PACRG: variants seen among roughly 807,000 people sequenced by gnomAD.
PACRG encodes the protein parkin coregulated.
PACRG carries 29 observed loss-of-function variants against 29.7 expected under a neutral mutation model. The observed-to-expected ratio is 0.98, with a 90% confidence interval of 0.73 to 1.33. The LOEUF (loss-of-function observed/expected upper bound fraction) is 1.33. Ranked by LOEUF, PACRG falls within the 40% of genes most tolerant of loss-of-function variation. PACRG has a pLI of 0.00. For synonymous variants in PACRG, 116 were observed against 118.7 expected (o/e 0.98, Z 0.15); for missense variants, 279 against 316.2 (o/e 0.88, Z 0.89).
At chr6:162,799,640 T>TC (rs1335601255) in intron 1 of PACRG, among the ~76,000 whole-genome samples, 13 of 152,158 alleles carry the variant, frequency 8.5e-5, no homozygotes, top group African/African-American at 3.1e-4. Context: ...CTTTTTTTTT[T>TC]CTTACTACTA....
chr6:162,764,169 G>A (rs777319870), intron 1 of PACRG, among the ~76,000 whole-genome samples: 1 of 152,024 alleles, frequency 6.6e-6, no homozygotes, highest in Non-Finnish European at 1.5e-5. Flanking sequence ...CAGCTACTCC[G>A]GAGGCTGAGG....
chr6:163,164,054 G>A (rs1358053740), intron 4 of PACRG, among the ~76,000 whole-genome samples: 1 of 151,862 alleles, frequency 6.6e-6, no homozygotes, highest in Non-Finnish European at 1.5e-5. Flanking sequence ...CTGTTCTCAT[G>A]CCTAATCATG....
rs867522827 is a variant in PACRG, at chr6:162,978,042, G to A, written c.292-84108G>A. Among the ~76,000 whole-genome samples the A allele has an allele frequency of 1.5e-3, 219 of 150,954 alleles. 3 individuals are homozygous for A. The highest frequency in any genetic ancestry group is 5.3e-3 in the African/African-American group (215 of 40,316). On this transcript the variant is annotated intron_variant, in intron 2 of 4. Coordinates refer to ENST00000366888, the MANE Select transcript of PACRG (RefSeq NM_001080379.2). ...GCCTGTAATCCCAGCTACTTGGGAGGCTGAGGCAGGAGAATCACTTGAACC... is the reference window on the plus strand; with the variant it reads ...GCCTGTAATCCCAGCTACTTGGGAGACTGAGGCAGGAGAATCACTTGAACC...
At chr6:162,957,970 T>G (rs1306592163) in intron 2 of PACRG, among the ~76,000 whole-genome samples, 1 of 152,214 alleles carries the variant, frequency 6.6e-6, no homozygotes, top group Non-Finnish European at 1.5e-5. Context: ...TTGAATTTCA[T>G]GTTTAAAGGT....
chr6:162,875,059 A>G (rs1026822416), intron 2 of PACRG, among the ~76,000 whole-genome samples: 5 of 152,308 alleles, frequency 3.3e-5, no homozygotes, highest in Admixed American at 6.5e-5. Context: ...ACACTCACAC[A>G]TGCATTCACA....
chr6:162,779,536 T>A (rs976863502), intron 1 of PACRG, among the ~76,000 whole-genome samples: 1 of 152,186 alleles, frequency 6.6e-6, no homozygotes, highest in Non-Finnish European at 1.5e-5. Flanking sequence ...CTCTGAGGCT[T>A]CCCTGGTTTG....
chr6:163,277,603 C>A (rs757192820), intron 4 of PACRG, among the ~76,000 whole-genome samples: 2 of 143,350 alleles, frequency 1.4e-5, no homozygotes, highest in Non-Finnish European at 3.0e-5. Flanking sequence ...CATATACATA[C>A]TTTGTCTATA....
At chr6:163,300,598 C>G (rs929909234) in intron 4 of PACRG, among the ~76,000 whole-genome samples, 5 of 152,230 alleles carry the variant, frequency 3.3e-5, no homozygotes, top group Non-Finnish European at 7.3e-5. Flanking sequence ...GATAGTCTCT[C>G]TGTCAATTCA....
Position 162,810,087 on chromosome 6 carries a change from T to A in PACRG, c.157-4060T>A, listed in dbSNP as rs192111673. Among the ~76,000 whole-genome samples, 410 of 152,194 alleles carry A rather than the reference T, an allele frequency of 2.7e-3. 2 individuals are homozygous for A. Among genetic ancestry groups the A allele is most frequent in the African/African-American group, 9.1e-3 (377 of 41,546 alleles). ...GTCAGTGTGGACAATGGGGGAGCAG[T>A]AATGAGTCACTCCTGCCCCTTCCAG... On this transcript the variant is annotated intron_variant, in intron 1 of 4. Transcript: ENST00000366888.
intron 4 of PACRG, among the ~76,000 whole-genome samples, chr6:163,154,859 A>C (rs146972903): frequency 1.7e-3 from 252 of 152,272 alleles, no homozygotes; most frequent in African/African-American, 5.8e-3. Flanking sequence ...CCTGCATGTG[A>C]CATGCTGAAA....
At chr6:163,174,503 T>C (rs1779251592) in intron 4 of PACRG, among the ~76,000 whole-genome samples, 1 of 152,176 alleles carries the variant, frequency 6.6e-6, no homozygotes, top group South Asian at 2.1e-4. Flanking sequence ...CTGTATAGAA[T>C]CATAGTGCAA....
intron 2 of PACRG, among the ~76,000 whole-genome samples, chr6:162,856,689 G>A (rs1791426598): frequency 6.6e-6 from 1 of 152,204 alleles, no homozygotes. Flanking sequence ...TGTGATTAGT[G>A]TAAATAAGTA....
intron 4 of PACRG, among the ~76,000 whole-genome samples, chr6:163,247,609 T>C (rs150989446): frequency 4.6e-5 from 7 of 152,308 alleles, no homozygotes; most frequent in Non-Finnish European, 8.8e-5. Context: ...GCACGCTCTA[T>C]TTTTAAAAGC....
At chr6:163,007,463 A>G (rs559358513) in intron 2 of PACRG, among the ~76,000 whole-genome samples, 7 of 152,278 alleles carry the variant, frequency 4.6e-5, no homozygotes, top group Admixed American at 4.6e-4. Context: ...GGCTGGTTAT[A>G]AATTCCTTTG....
At chr6:162,755,968 C>G (rs1194762643) in intron 1 of PACRG, among the ~76,000 whole-genome samples, 2 of 151,528 alleles carry the variant, frequency 1.3e-5, no homozygotes, top group African/African-American at 2.4e-5. Flanking sequence ...AAGATTTTTT[C>G]TCATCCATTT....
At chr6:163,117,332 A>G (rs1333393101) in intron 4 of PACRG, among the ~76,000 whole-genome samples, 1 of 152,194 alleles carries the variant, frequency 6.6e-6, no homozygotes, top group Non-Finnish European at 1.5e-5. Flanking sequence ...GGGGCCACCT[A>G]GAGACTGAGG....
chr6:162,933,601 C>CTTTTTTTTTTTTTTTTT (rs71008119), intron 2 of PACRG, among the ~76,000 whole-genome samples: 2 of 74,608 alleles, frequency 2.7e-5, no homozygotes, highest in African/African-American at 1.1e-4. Flanking sequence ...CTTTCTGTAT[C>CTTTTTTTTTTTTTTTTT]TTTTTTTTTT....
At chr6:162,910,920 G>C (rs1040181734) in intron 2 of PACRG, among the ~76,000 whole-genome samples, 2 of 152,130 alleles carry the variant, frequency 1.3e-5, no homozygotes, top group Non-Finnish European at 2.9e-5. Flanking sequence ...CACAGATGCT[G>C]CTGGCTACAG....
rs184999357 is a variant in PACRG at position 163,088,030 on chromosome 6, T to G, written c.464-1229T>G. On this transcript the variant is annotated intron_variant, in intron 3 of 4. Coordinates refer to ENST00000366888, the MANE Select transcript of PACRG (RefSeq NM_001080379.2). ...GACTGGGAACAAGGTTTATCTTTAC[T>G]AAATATGAGGAACATAGGGAAGAAA... Among the ~76,000 whole-genome samples, 376 of 152,344 alleles carry G rather than the reference T, an allele frequency of 2.5e-3. 1 individual carries two copies. Among genetic ancestry groups the G allele is most frequent in the Middle Eastern group, 6.8e-3 (2 of 294 alleles).
Sources: allele counts gnomAD v4.1 joint callset (sites outside exome capture counted in the v4.1 genomes callset), GRCh38; gene constraint gnomAD v4.1.1; transcripts MANE v1.5; gene names NCBI Gene and HGNC (gene_info 2026-07-23, HGNC 2026-07-21).